Variants in ANKMY1 observed in about 807,000 individuals in gnomAD.
ANKMY1 encodes ankyrin repeat and MYND domain-containing protein 1.
ANKMY1 carries 98 observed loss-of-function variants against 102.0 expected under a neutral mutation model. That is an observed-to-expected ratio of 0.96 (90% CI 0.82 to 1.14). The LOEUF (loss-of-function observed/expected upper bound fraction) is 1.14, where lower values mean the gene tolerates loss of function less well. Among genes scored for constraint, ANKMY1 ranks in the 50% most tolerant of loss-of-function variants. The pLI is 0.00. For synonymous variants in ANKMY1, 582 were observed against 559.9 expected (o/e 1.04, Z -0.56); for missense variants, 1,330 against 1,347.6 (o/e 0.99, Z 0.20).
intron 14 of ANKMY1, 66 bp downstream of exon 14, chr2:240,500,386 C>A: frequency 6.7e-7 from 1 of 1,492,652 alleles, no homozygotes; most frequent in Non-Finnish European, 9.2e-7. Flanking sequence ...AAGCTAATGC[C>A]CCAGCCGGGG....
intron 3 of ANKMY1, 200 bp from the exon 4 acceptor site, chr2:240,553,257 G>C: frequency 3.3e-6 from 2 of 615,352 alleles, no homozygotes; most frequent in Non-Finnish European, 5.6e-6. Context: ...CAGCCTGATA[G>C]CCAGGCTCCC....
rs2082918597 is a variant in ANKMY1, at chr2:240,524,302, A to G, written c.1415T>C (p.Val472Ala). ...ATAGCTACCCTGGGAAGGCACGTTC[A>G]CCTCATAGTACAGAGACTCCAGGTT... is the stretch of plus-strand genomic sequence containing the variant. The part of the protein sequence containing the change: ...DTNLESLYYE[V>A]NVPSQGSYEL... The change falls in exon 8 of 18, where the codon GTG becomes GCG. Residue 472 changes from valine to alanine, a missense_variant. By Grantham distance (64) the Val-to-Ala change is moderately conservative (BLOSUM62 0). Coordinates refer to ENST00000401804, the MANE Select transcript of ANKMY1 (RefSeq NM_001282771.3). 6.2e-7 allele frequency: 1 copy of G among 1,613,660 alleles called. No homozygotes were observed. The highest frequency in any genetic ancestry group is 8.5e-7 in the Non-Finnish European group (1 of 1,180,040).
At chr2:240,486,073 A>C (rs2076028249) in intron 15 of ANKMY1, among the ~76,000 whole-genome samples, 1 of 152,216 alleles carries the variant, frequency 6.6e-6, no homozygotes, top group Non-Finnish European at 1.5e-5. Flanking sequence ...ATATAATTTT[A>C]TGTATTCTAA....
intron 9 of ANKMY1, among the ~76,000 whole-genome samples, chr2:240,519,507 T>C (rs967377271): frequency 2.0e-5 from 3 of 152,152 alleles, no homozygotes; most frequent in African/African-American, 7.2e-5. Flanking sequence ...GAGAGAAGCC[T>C]GGCCTCACCC....
intron 17 of ANKMY1, 125 bp from the exon 18 acceptor site, chr2:240,479,780 A>C (rs1315640619): frequency 2.4e-6 from 2 of 821,662 alleles, no homozygotes; most frequent in Admixed American, 2.2e-5. Flanking sequence ...GAGCTTTTGC[A>C]GGCAAGGAGT....
At chr2:240,509,506 C>G in intron 11 of ANKMY1, 51 bp from the exon 12 acceptor site, 1 of 1,270,622 alleles carries the variant, frequency 7.9e-7, no homozygotes, top group East Asian at 2.5e-5. Flanking sequence ...CCATAAGCAG[C>G]ACCTGATGGT....
chr2:240,524,543 G>A (rs2082969053), intron 7 of ANKMY1, among the ~76,000 whole-genome samples, 162 bp from the exon 8 acceptor site: 1 of 152,176 alleles, frequency 6.6e-6, no homozygotes, highest in East Asian at 1.9e-4. Context: ...AAAGAGAAAA[G>A]AACACCCCTG....
intron 15 of ANKMY1, among the ~76,000 whole-genome samples, chr2:240,490,048 A>C (rs1405705166): frequency 6.6e-6 from 1 of 151,822 alleles, no homozygotes; most frequent in Non-Finnish European, 1.5e-5. Context: ...TTTGTCATAT[A>C]GTCTCTGATG....
At chr2:240,555,175 G>A in intron 2 of ANKMY1, 120 bp from the exon 3 acceptor site, 1 of 1,075,224 alleles carries the variant, frequency 9.3e-7, no homozygotes, top group Non-Finnish European at 1.3e-6. Context: ...CCCGGGGCAG[G>A]TGCCGCTGCA....
At chr2:240,500,430 T>C in intron 14 of ANKMY1, 22 bp downstream of exon 14, 1 of 1,607,384 alleles carries the variant, frequency 6.2e-7, no homozygotes, top group Non-Finnish European at 8.5e-7. Flanking sequence ...CCCTCCTTCC[T>C]CATGGGAGGC....
rs749815407 is a variant in ANKMY1 at position 240,553,061 on chromosome 2, T to C, written c.337-4A>G. On this transcript the variant is annotated splice_polypyrimidine_tract_variant and splice_region_variant and intron_variant, in intron 3 of 17. Transcript: ENST00000401804. ...GGTAAAACTGCCCATGGTATGACTG[T>C]GAGATGGAGAAGTTGGTGAGAAATT... 2 of 1,608,294 alleles carry C rather than the reference T, an allele frequency of 1.2e-6. No homozygotes were observed. Among genetic ancestry groups the C allele is most frequent in the Admixed American group, 3.3e-5 (2 of 59,816 alleles).
At chr2:240,550,030 G>A (rs2091212536) in intron 4 of ANKMY1, among the ~76,000 whole-genome samples, 3 of 151,624 alleles carry the variant, frequency 2.0e-5, no homozygotes, top group Admixed American at 6.6e-5. Flanking sequence ...ATACCCAAAG[G>A]ACTATAAATC....
chr2:240,491,059 T>C (rs1166586310), intron 15 of ANKMY1, among the ~76,000 whole-genome samples: 1 of 152,050 alleles, frequency 6.6e-6, no homozygotes, highest in Non-Finnish European at 1.5e-5. Context: ...TCTTGCTAGA[T>C]TTATCCCTTT....
chr2:240,507,468 C>T (rs2079290296), intron 13 of ANKMY1, 92 bp downstream of exon 13: 4 of 1,363,530 alleles, frequency 2.9e-6, no homozygotes, highest in Non-Finnish European at 2.9e-6. Flanking sequence ...CCCCGCTCAT[C>T]AGGGCCACCC....
chr2:240,482,095 G>A (rs185812810), intron 16 of ANKMY1, 88 bp downstream of exon 16: 119 of 1,424,628 alleles, frequency 8.4e-5, no homozygotes, highest in Non-Finnish European at 9.7e-5. Context: ...AGGCTGTCCC[G>A]GGATGAGGTG....
chr2:240,509,315 G>T (rs2079679905), intron 12 of ANKMY1, 33 bp downstream of exon 12: 2 of 1,567,492 alleles, frequency 1.3e-6, no homozygotes. Flanking sequence ...AAACACATAG[G>T]TGCACAGGTC....
In ANKMY1 at chr2:240,548,900, T is replaced by C. The variant is rs1001041514; in HGVS notation, c.480+4014A>G. ...AAATGGAAGAACATTCCATGCTCATTGGGAGGAAGAATCAATATCGTGAAA... is the reference window on the plus strand; with the variant it reads ...AAATGGAAGAACATTCCATGCTCATCGGGAGGAAGAATCAATATCGTGAAA... On this transcript the variant is annotated intron_variant, in intron 4 of 17. Coordinates refer to ENST00000401804, the MANE Select transcript of ANKMY1 (RefSeq NM_001282771.3). 1.7e-3 allele frequency among the ~76,000 whole-genome samples: 262 copies of C among 152,262 alleles called. 2 individuals are homozygous for C. Among genetic ancestry groups the C allele is most frequent in the African/African-American group, 6.1e-3 (253 of 41,544 alleles).
intron 4 of ANKMY1, among the ~76,000 whole-genome samples, chr2:240,542,454 A>G (rs918100450): frequency 6.6e-6 from 1 of 151,894 alleles, no homozygotes; most frequent in African/African-American, 2.4e-5. Flanking sequence ...CAGTGAGCTG[A>G]TACCGCGCCA....
At chr2:240,532,588 T>C (rs2085689943) in intron 4 of ANKMY1, among the ~76,000 whole-genome samples, 1 of 152,200 alleles carries the variant, frequency 6.6e-6, no homozygotes, top group African/African-American at 2.4e-5. Flanking sequence ...TAATAAGTTC[T>C]CAGAGAGACT....
Sources: allele counts gnomAD v4.1 joint callset (sites outside exome capture counted in the v4.1 genomes callset), GRCh38; gene constraint gnomAD v4.1.1; transcripts MANE v1.5; gene names NCBI Gene and HGNC (gene_info 2026-07-23, HGNC 2026-07-21).